TAFA2: variants seen among roughly 807,000 people sequenced by gnomAD.
TAFA2 encodes chemokine-like protein TAFA-2.
Under a neutral mutation model 18.8 loss-of-function variants are expected in TAFA2, and 7 were observed. That is an observed-to-expected ratio of 0.37 (90% CI 0.21 to 0.70). The LOEUF is 0.70. TAFA2 is among the 30% of genes least tolerant of loss of function. TAFA2 has a pLI of 0.53. For missense variants in TAFA2, 122 were observed against 158.1 expected (o/e 0.77, Z 1.23); for synonymous variants, 60 against 54.2 (o/e 1.11, Z -0.47).
At chr12:61,920,969 T>C (rs1321268656) in intron 1 of TAFA2, among the ~76,000 whole-genome samples, 1 of 152,118 alleles carries the variant, frequency 6.6e-6, no homozygotes, top group African/African-American at 2.4e-5. Flanking sequence ...TCTCCCTGGA[T>C]GAACCACTGA....
intron 4 of TAFA2, among the ~76,000 whole-genome samples, chr12:61,718,951 G>A (rs912783753): frequency 2.0e-5 from 3 of 152,112 alleles, no homozygotes; most frequent in Non-Finnish European, 2.9e-5. Context: ...ATTCCTTTTC[G>A]CAGCCTAGAG....
At chr12:61,981,074 T>C (rs1464541817) in intron 1 of TAFA2, among the ~76,000 whole-genome samples, 5 of 152,152 alleles carry the variant, frequency 3.3e-5, no homozygotes, top group African/African-American at 1.2e-4. Flanking sequence ...AAGGCTACAG[T>C]AACCAAAACA....
At chr12:62,209,673 T>C (rs962381366) in intron 1 of TAFA2, among the ~76,000 whole-genome samples, 2 of 152,148 alleles carry the variant, frequency 1.3e-5, no homozygotes, top group Non-Finnish European at 2.9e-5. Flanking sequence ...GGGCTAAAAA[T>C]GAGGAGAAGG....
chr12:62,099,179 ACT>A lies in TAFA2; in HGVS notation c.-2+92078_-2+92079del, dbSNP rs908388783. 4.7e-4 allele frequency among the ~76,000 whole-genome samples: 72 copies of A among 152,180 alleles called. 1 individual carries two copies. Among genetic ancestry groups the A allele is most frequent in the African/African-American group, 1.3e-3 (56 of 41,530 alleles). ...CTGGTAAATCACAAAATATAGAAAC[ACT>A]CTGCCTAATCAATAGTGTAAGTCTA... On this transcript the variant is annotated intron_variant, in intron 1 of 4. Transcript: ENST00000416284.
intron 1 of TAFA2, among the ~76,000 whole-genome samples, chr12:61,948,286 GC>G (rs1261486243): frequency 1.3e-5 from 2 of 152,134 alleles, no homozygotes; most frequent in African/African-American, 4.8e-5. Flanking sequence ...AGATTACACA[GC>G]TAACAAATGT....
chr12:61,900,297 A>T (rs570820296), intron 1 of TAFA2, among the ~76,000 whole-genome samples: 1 of 152,264 alleles, frequency 6.6e-6, no homozygotes, highest in Non-Finnish European at 1.5e-5. Flanking sequence ...TTCCAAAGTG[A>T]TTATCCTAAT....
chr12:61,963,571 A>C (rs1878964386), intron 1 of TAFA2, among the ~76,000 whole-genome samples: 1 of 151,854 alleles, frequency 6.6e-6, no homozygotes, highest in Admixed American at 6.6e-5. Flanking sequence ...AATTTGTTTA[A>C]GTTCTTTGTA....
intron 2 of TAFA2, among the ~76,000 whole-genome samples, chr12:61,812,505 A>T (rs531514856): frequency 6.6e-6 from 1 of 151,444 alleles, no homozygotes; most frequent in African/African-American, 2.5e-5. Flanking sequence ...GTGACCTAGG[A>T]CAACCTAAGA....
At chr12:62,249,073 T>C (rs576091384) in intron 1 of TAFA2, among the ~76,000 whole-genome samples, 173 of 152,186 alleles carry the variant, frequency 1.1e-3, no homozygotes, top group African/African-American at 3.9e-3. Context: ...AATTTTTTTT[T>C]TTCATTCCTT....
At chr12:61,883,622 A>G (rs983697255) in intron 1 of TAFA2, among the ~76,000 whole-genome samples, 1 of 152,212 alleles carries the variant, frequency 6.6e-6, no homozygotes, top group African/African-American at 2.4e-5. Flanking sequence ...AATATTGAAG[A>G]AGGGATTATA....
intron 1 of TAFA2, among the ~76,000 whole-genome samples, chr12:62,072,701 A>T (rs1882663680): frequency 6.6e-6 from 1 of 152,096 alleles, no homozygotes; most frequent in South Asian, 2.1e-4. Context: ...TAGAAGAATC[A>T]TCTGAGCCTG....
chr12:61,806,516 G>A (rs189476329), intron 2 of TAFA2, among the ~76,000 whole-genome samples: 215 of 152,256 alleles, frequency 1.4e-3, no homozygotes, highest in African/African-American at 4.1e-3. Context: ...AATTGATACC[G>A]GTAGAGTGGG....
At chr12:61,825,330 C>T (rs960179392) in intron 2 of TAFA2, among the ~76,000 whole-genome samples, 5 of 151,970 alleles carry the variant, frequency 3.3e-5, no homozygotes, top group African/African-American at 9.7e-5. Context: ...GAAACAGAAA[C>T]GACTTTGAAG....
chr12:62,124,623 A>C (rs1046697786), intron 1 of TAFA2, among the ~76,000 whole-genome samples: 1 of 152,198 alleles, frequency 6.6e-6, no homozygotes, highest in African/African-American at 2.4e-5. Flanking sequence ...AGACCAGAAA[A>C]AAAGAATGAA....
At chr12:61,826,221 C>T (rs1872531083) in intron 2 of TAFA2, among the ~76,000 whole-genome samples, 1 of 151,924 alleles carries the variant, frequency 6.6e-6, no homozygotes, top group Admixed American at 6.6e-5. Flanking sequence ...CTGCAGTTTC[C>T]ATTTTCAGAG....
intron 2 of TAFA2, among the ~76,000 whole-genome samples, chr12:61,780,464 A>G (rs1320176111): frequency 2.0e-5 from 3 of 151,780 alleles, no homozygotes; most frequent in Non-Finnish European, 4.4e-5. Context: ...TTCTTACAGC[A>G]TTTACTTTAG....
intron 2 of TAFA2, among the ~76,000 whole-genome samples, chr12:61,830,773 A>C (rs1324909446): frequency 6.6e-6 from 1 of 152,112 alleles, no homozygotes; most frequent in Non-Finnish European, 1.5e-5. Flanking sequence ...ATTTAATATT[A>C]ACTAAAAATC....
intron 1 of TAFA2, among the ~76,000 whole-genome samples, chr12:61,940,472 T>G (rs2121419088): frequency 6.6e-6 from 1 of 152,278 alleles, no homozygotes; most frequent in Non-Finnish European, 1.5e-5. Flanking sequence ...GGGAAGACAG[T>G]GAGGGCTGAA....
chr12:62,021,211 T>C (rs1216277484), intron 1 of TAFA2, among the ~76,000 whole-genome samples: 1 of 152,240 alleles, frequency 6.6e-6, no homozygotes, highest in Non-Finnish European at 1.5e-5. Flanking sequence ...TAATATTTGA[T>C]TAGCAGATGC....
Sources: gnomAD v4.1 joint callset for allele counts (sites outside exome capture counted in the v4.1 genomes callset) on GRCh38, gnomAD v4.1.1 for gene constraint, MANE v1.5 for transcripts, NCBI Gene and HGNC (gene_info 2026-07-23, HGNC 2026-07-21) for gene names.